Variants in MYL4 observed in about 807,000 individuals in gnomAD.
MYL4 encodes the protein myosin light chain 4, also known as atrial myosin light chain 1.
In MYL4, 16 loss-of-function variants were observed where a neutral mutation model predicts 21.6. That is an observed-to-expected ratio of 0.74 (90% confidence interval 0.50 to 1.12). MYL4 has a LOEUF of 1.12. Ranked by LOEUF, MYL4 falls within the 50% of genes most tolerant of loss-of-function variation. The probability of loss-of-function intolerance (pLI) is 0.00; values close to 1 mark genes in which losing one functional copy is unlikely to be tolerated. For missense variants in MYL4, 249 were observed against 252.9 expected (o/e 0.98, Z 0.11); for synonymous variants, 82 against 95.7 (o/e 0.86, Z 0.83).
intron 2 of MYL4, among the ~76,000 whole-genome samples, chr17:47,218,463 T>C (rs1012682094): frequency 2.6e-5 from 4 of 152,130 alleles, no homozygotes; most frequent in Admixed American, 1.3e-4. Flanking sequence ...CCAAATTACC[T>C]CCACTAATGA....
intron 4 of MYL4, 162 bp from the exon 5 acceptor site, chr17:47,222,218 C>A (rs961565321): frequency 2.8e-6 from 2 of 702,118 alleles, no homozygotes; most frequent in Admixed American, 2.2e-5. Context: ...ACCTTTAGAC[C>A]CTTGGCCGCA....
At chr17:47,224,507 C>A (rs1054027697), downstream of MYL4, among the ~76,000 whole-genome samples, 2 of 152,132 alleles carry the variant, frequency 1.3e-5, no homozygotes, top group Non-Finnish European at 2.9e-5. Flanking sequence ...CCAGCAGAAA[C>A]ACTGTACTCA....
downstream of MYL4, among the ~76,000 whole-genome samples, chr17:47,225,462 T>C (rs2064881570): frequency 6.6e-6 from 1 of 152,202 alleles, no homozygotes. Context: ...GAACAGAGTT[T>C]CTCTGGCTGA....
At chr17:47,213,057 G>A (rs2064787907) in intron 1 of MYL4, among the ~76,000 whole-genome samples, 1 of 152,126 alleles carries the variant, frequency 6.6e-6, no homozygotes, top group African/African-American at 2.4e-5. Context: ...TGTGGGGAGT[G>A]GTGGTGCCCA....
upstream of MYL4, among the ~76,000 whole-genome samples, chr17:47,207,534 G>T (rs545866205): frequency 1.3e-5 from 2 of 152,304 alleles, no homozygotes; most frequent in East Asian, 1.9e-4. Flanking sequence ...AGGGCACCCA[G>T]AATTGCAGGC....
At chr17:47,222,891 C>A in intron 5 of MYL4, 123 bp from the exon 6 acceptor site, 1 of 1,227,034 alleles carries the variant, frequency 8.1e-7, no homozygotes, top group Non-Finnish European at 1.2e-6. Flanking sequence ...AGAGCAGGAA[C>A]TACACAGTCT....
At chr17:47,190,692 A>G in the MYL4 span, among the ~76,000 whole-genome samples, 1 of 152,240 alleles carries the variant, frequency 6.6e-6, no homozygotes, top group Non-Finnish European at 1.5e-5. Context: ...CCCTGTGCCC[A>G]GTTGCTTTAG....
upstream of MYL4, among the ~76,000 whole-genome samples, chr17:47,207,360 G>T (rs558171126): frequency 6.6e-6 from 1 of 152,306 alleles, no homozygotes; most frequent in South Asian, 2.1e-4. Context: ...ATAAGTAGCT[G>T]AATGTCTTGA....
chr17:47,220,154 C>A, intron 3 of MYL4, 101 bp downstream of exon 3: 1 of 1,394,600 alleles, frequency 7.2e-7, no homozygotes. Flanking sequence ...TCTCTCTTCT[C>A]CTGCTTTAGC....
chr17:47,189,730 T>TATTGAGTTTAGATCATTCGTCC, the MYL4 span, among the ~76,000 whole-genome samples: 1 of 152,238 alleles, frequency 6.6e-6, no homozygotes, highest in East Asian at 1.9e-4. Flanking sequence ...AGTATTTGTC[T>TATTGAGTTTAGATCATTCGTCC]ATTGAGTTTA....
chr17:47,214,858 A>C (rs754340071), intron 2 of MYL4, among the ~76,000 whole-genome samples: 3 of 152,204 alleles, frequency 2.0e-5, no homozygotes, highest in Admixed American at 2.0e-4. Context: ...CAGTATTTGG[A>C]TATCTTTTCA....
At chr17:47,207,043 A>T (rs1033109114), upstream of MYL4, among the ~76,000 whole-genome samples, 2 of 152,170 alleles carry the variant, frequency 1.3e-5, no homozygotes, top group African/African-American at 4.8e-5. Flanking sequence ...GCGAAGGTAC[A>T]AGGAATCAAG....
chr17:47,202,760 A>T (rs2064714273), intron 1 of MYL4, among the ~76,000 whole-genome samples: 1 of 152,232 alleles, frequency 6.6e-6, no homozygotes, highest in Non-Finnish European at 1.5e-5. Context: ...ACAAAGCATT[A>T]TTTAAACTTT....
chr17:47,198,511 T>C (rs761658608), upstream of MYL4, among the ~76,000 whole-genome samples: 2 of 152,184 alleles, frequency 1.3e-5, no homozygotes, highest in Non-Finnish European at 2.9e-5. Flanking sequence ...TCTGGGTAAA[T>C]TGCAGAGCAA....
Position 47,219,940 on chromosome 17 carries a change from C to T in MYL4, c.200C>T (p.Pro67Leu), listed in dbSNP as rs201579845. The T allele has an allele frequency of 9.9e-6, 16 of 1,614,180 alleles. No individual in the cohort carries two copies. The East Asian group carries it at 1.1e-4, about 11-fold the overall frequency. ...GCCTTTTCATTGTTTGACCGGACCC[C>T]GACTGGAGAGATGAAGATCACCTAC... ...KEAFSLFDRT[P>L]TGEMKITYGQ... The change falls in exon 3 of 7, where the codon CCG (proline) becomes CTG (leucine). Residue 67 changes from proline to leucine, a missense_variant. Coordinates refer to ENST00000393450, the MANE Select transcript of MYL4 (RefSeq NM_002476.2).
At chr17:47,216,100 T>TC (rs1305719797) in intron 2 of MYL4, among the ~76,000 whole-genome samples, 2 of 151,510 alleles carry the variant, frequency 1.3e-5, no homozygotes, top group Non-Finnish European at 2.9e-5. Context: ...TTTTGTGCTT[T>TC]TTTTTTTTTT....
the MYL4 span, among the ~76,000 whole-genome samples, chr17:47,192,078 G>A: frequency 6.6e-6 from 1 of 152,246 alleles, no homozygotes; most frequent in South Asian, 2.1e-4. Flanking sequence ...TTCCTGGCTG[G>A]GTGAGGTGGC....
chr17:47,208,608 AG>A (rs2064747568), upstream of MYL4, among the ~76,000 whole-genome samples: 1 of 151,938 alleles, frequency 6.6e-6, no homozygotes, highest in African/African-American at 2.4e-5. Context: ...AATGAGTTAG[AG>A]GTAAAGTGAA....
chr17:47,199,796 C>T (rs537065991), upstream of MYL4, among the ~76,000 whole-genome samples: 6 of 132,918 alleles, frequency 4.5e-5, no homozygotes, highest in African/African-American at 1.2e-4. Context: ...AAAGCAGTGG[C>T]GCCATCTCAG....
Sources: gnomAD v4.1 joint callset for allele counts (sites outside exome capture counted in the v4.1 genomes callset) on GRCh38, gnomAD v4.1.1 for gene constraint, MANE v1.5 for transcripts, NCBI Gene and HGNC (gene_info 2026-07-23, HGNC 2026-07-21) for gene names.